Variants in TMEM178B observed in about 807,000 individuals in gnomAD.
TMEM178B encodes transmembrane protein 178B.
Under a neutral mutation model 31.0 loss-of-function variants are expected in TMEM178B, and 5 were observed. The ratio of observed to expected loss-of-function variants is 0.16; its 90% CI spans 0.08 to 0.34. TMEM178B has a LOEUF of 0.34. Ranked by LOEUF, TMEM178B falls within the 10% of genes least tolerant of loss-of-function variation. TMEM178B has a pLI of 1.00. For missense variants in TMEM178B, 275 were observed against 400.3 expected (o/e 0.69, Z 2.67); for synonymous variants, 164 against 164.0 (o/e 1.00, Z 0.00).
chr7:141,215,739 A>C (rs1797121797), intron 2 of TMEM178B, among the ~76,000 whole-genome samples: 1 of 151,922 alleles, frequency 6.6e-6, no homozygotes, highest in South Asian at 2.1e-4. Context: ...CTTTCTGGCA[A>C]ATATTTGGAC....
intron 2 of TMEM178B, among the ~76,000 whole-genome samples, chr7:141,237,172 A>G (rs761520415): frequency 6.6e-6 from 1 of 152,254 alleles, no homozygotes; most frequent in Non-Finnish European, 1.5e-5. Flanking sequence ...TCAAATTGAT[A>G]CAACCTTACT....
intron 1 of TMEM178B, among the ~76,000 whole-genome samples, chr7:141,129,131 G>T (rs1229939067): frequency 6.6e-6 from 1 of 152,318 alleles, no homozygotes; most frequent in South Asian, 2.1e-4. Flanking sequence ...GGATGCCCTT[G>T]AGGGTACGGA....
intron 2 of TMEM178B, among the ~76,000 whole-genome samples, chr7:141,432,665 A>G (rs1397479336): frequency 6.6e-6 from 1 of 152,098 alleles, no homozygotes. Context: ...CACAGAGGCA[A>G]TATCTTTCTT....
chr7:141,263,121 G>T (rs1482089552), intron 2 of TMEM178B, among the ~76,000 whole-genome samples: 1 of 152,156 alleles, frequency 6.6e-6, no homozygotes, highest in Non-Finnish European at 1.5e-5. Flanking sequence ...ATCTTGAAAA[G>T]GAGCTTTGTT....
In TMEM178B at chr7:141,475,057, C is replaced by T. The variant is rs1481747614; in HGVS notation, c.*4271C>T. On this transcript the variant is annotated 3_prime_UTR_variant, in exon 4 of 4. Coordinates refer to ENST00000565468, the MANE Select transcript of TMEM178B (RefSeq NM_001195278.2). ...GAAAATGTTCCCTGTCTTCAGGGGA[C>T]TTACCCATCCCAGGGGACACATCCA... The T allele has an allele frequency of 6.6e-6, 1 of 152,254 alleles. No individual in the cohort carries two copies. Among genetic ancestry groups the T allele is most frequent in the Non-Finnish European group, 1.5e-5 (1 of 68,078 alleles). 9.4% of individuals were successfully genotyped at this position (152,254 alleles called of 1,614,324 possible).
At chr7:141,382,816 G>A (rs1271998200) in intron 2 of TMEM178B, among the ~76,000 whole-genome samples, 2 of 152,188 alleles carry the variant, frequency 1.3e-5, no homozygotes, top group African/African-American at 2.4e-5. Context: ...ACCTCACAAT[G>A]CACACAACTC....
intron 3 of TMEM178B, among the ~76,000 whole-genome samples, chr7:141,454,093 G>A (rs1318195232): frequency 6.6e-6 from 1 of 151,828 alleles, no homozygotes; most frequent in African/African-American, 2.4e-5. Context: ...ACACTCCCAG[G>A]CACAATTTAT....
Position 141,309,438 on chromosome 7 carries a change from G to A in TMEM178B, c.496+96734G>A, listed in dbSNP as rs182978895. 2.6e-4 allele frequency among the ~76,000 whole-genome samples: 39 copies of A among 152,188 alleles called. No individual in the cohort carries two copies. In the Middle Eastern group the frequency reaches 0.01, roughly 40 times the overall value. On this transcript the variant is annotated intron_variant, in intron 2 of 3. Transcript: ENST00000565468. ...ATTTGGAAAGTATAGATAAGCACTA[G>A]GGAGAAAATAAAAATCACTGATAAT...
intron 2 of TMEM178B, among the ~76,000 whole-genome samples, chr7:141,268,972 T>C (rs959970088): frequency 2.6e-5 from 4 of 152,178 alleles, no homozygotes; most frequent in Non-Finnish European, 5.9e-5. Flanking sequence ...ATGCTCTTGC[T>C]CATTCCTCTC....
chr7:141,164,274 C>T (rs1037658826), intron 1 of TMEM178B, among the ~76,000 whole-genome samples: 2 of 152,030 alleles, frequency 1.3e-5, no homozygotes, highest in Non-Finnish European at 2.9e-5. Flanking sequence ...TAATCTATTC[C>T]GAAATGTAAA....
chr7:141,347,017 C>T (rs1476701228), intron 2 of TMEM178B, among the ~76,000 whole-genome samples: 1 of 152,028 alleles, frequency 6.6e-6, no homozygotes, highest in African/African-American at 2.4e-5. Flanking sequence ...GTGGTGCCTC[C>T]CCCTTGCTCT....
chr7:141,333,269 G>T (rs926960458), intron 2 of TMEM178B, among the ~76,000 whole-genome samples: 5 of 152,184 alleles, frequency 3.3e-5, no homozygotes, highest in African/African-American at 4.8e-5. Context: ...AGGTATGGAG[G>T]TTTCCATTTT....
At chr7:141,165,070 T>C (rs1042843825) in intron 1 of TMEM178B, among the ~76,000 whole-genome samples, 23 of 152,354 alleles carry the variant, frequency 1.5e-4, no homozygotes, top group African/African-American at 5.3e-4. Flanking sequence ...TAACTTTCCC[T>C]AATGTTAACA....
chr7:141,154,825 G>C (rs140997410), intron 1 of TMEM178B, among the ~76,000 whole-genome samples: 3 of 151,948 alleles, frequency 2.0e-5, no homozygotes, highest in African/African-American at 7.2e-5. Context: ...CACTCCCCAG[G>C]TTCAAACGAT....
intron 2 of TMEM178B, among the ~76,000 whole-genome samples, chr7:141,312,351 C>CT (rs1190222099): frequency 6.6e-6 from 1 of 152,138 alleles, no homozygotes; most frequent in Non-Finnish European, 1.5e-5. Context: ...GTTCTGAGCT[C>CT]TATTTTCAGA....
chr7:141,452,628 C>T (rs903890968), intron 3 of TMEM178B, among the ~76,000 whole-genome samples: 1 of 152,076 alleles, frequency 6.6e-6, no homozygotes, highest in African/African-American at 2.4e-5. Flanking sequence ...AATCTCTGTC[C>T]CACCACTTAG....
intron 2 of TMEM178B, among the ~76,000 whole-genome samples, chr7:141,282,201 C>T (rs953389746): frequency 2.0e-5 from 3 of 152,128 alleles, no homozygotes; most frequent in African/African-American, 2.4e-5. Context: ...GAGGAAAATC[C>T]GTTGCCAACA....
chr7:141,156,760 A>G (rs1480135642), intron 1 of TMEM178B, among the ~76,000 whole-genome samples: 2 of 152,142 alleles, frequency 1.3e-5, no homozygotes, highest in Non-Finnish European at 2.9e-5. Flanking sequence ...TGCAGCCTGC[A>G]GGGAATTCCT....
intron 1 of TMEM178B, among the ~76,000 whole-genome samples, chr7:141,160,098 GT>G (rs148176016): frequency 0.022 from 3,340 of 150,662 alleles, 114 homozygotes; most frequent in African/African-American, 0.076. Flanking sequence ...AAGAGGTGGT[GT>G]TTGGTTACGC....
Sources: allele counts gnomAD v4.1 joint callset (sites outside exome capture counted in the v4.1 genomes callset), GRCh38; gene constraint gnomAD v4.1.1; transcripts MANE v1.5; gene names NCBI Gene and HGNC (gene_info 2026-07-23, HGNC 2026-07-21).